Variants in PCDHGB3 observed in about 807,000 individuals in gnomAD.
The protein encoded by PCDHGB3 is protocadherin gamma-B3.
Under a neutral mutation model 59.2 loss-of-function variants are expected in PCDHGB3, and 40 were observed. The ratio of observed to expected loss-of-function variants is 0.68; its 90% CI spans 0.52 to 0.88. PCDHGB3 has a LOEUF of 0.88. Ranked by LOEUF, PCDHGB3 falls within the 40% of genes least tolerant of loss-of-function variation. The pLI, the probability that PCDHGB3 is intolerant of heterozygous loss-of-function variation, is 0.00. For synonymous variants in PCDHGB3, 581 were observed against 503.6 expected (o/e 1.15, Z -2.06); for missense variants, 1,309 against 1,187.9 (o/e 1.10, Z -1.50).
chr5:141,421,358 C>T (rs2096566137), intron 1 of PCDHGB3: 1 of 1,613,870 alleles, frequency 6.2e-7, no homozygotes, highest in Non-Finnish European at 8.5e-7. Context: ...GAAAAGGGCT[C>T]CTTCGTGGGC....
rs766168062 is a variant in PCDHGB3, at chr5:141,491,124, G to A, written c.2416-3683G>A. ...TCGTGTCTACACACACTGGTGAGGT[G>A]CGCACAGCCCGGGCCTTACTGGAGG... On this transcript the variant is annotated intron_variant, in intron 1 of 3. Transcript: ENST00000576222. The surrounding 1 kb of genome is among the most constrained non-coding windows in gnomAD (Gnocchi z 6.9). 22 of 1,614,092 alleles carry A rather than the reference G, an allele frequency of 1.4e-5. No individual in the cohort carries two copies. The highest frequency in any genetic ancestry group is 3.3e-5 in the Admixed American group (2 of 60,004).
intron 1 of PCDHGB3, chr5:141,399,540 C>T (rs775910113): frequency 9.3e-6 from 15 of 1,614,052 alleles, no homozygotes; most frequent in Non-Finnish European, 1.3e-5. Context: ...CGCAAGTCTG[C>T]GCCTCGGACC....
At position 141,486,634 on chromosome 5, in the gene PCDHGB3, T is replaced by C; in HGVS notation, c.2416-8173T>C. 1 of 1,613,762 alleles carries C rather than the reference T, an allele frequency of 6.2e-7. No individual in the cohort carries two copies. The highest frequency in any genetic ancestry group is 8.5e-7 in the Non-Finnish European group (1 of 1,180,044). ...CCTCTGACCCAGACTCTGGCTTGAA[T>C]GCGCTTATCTCCTACTCACTCCTGG... On this transcript the variant is annotated intron_variant, in intron 1 of 3. Coordinates refer to ENST00000576222, the MANE Select transcript of PCDHGB3 (RefSeq NM_018924.5). The surrounding 1 kb of genome is among the most constrained non-coding windows in gnomAD (Gnocchi z 5.0).
In PCDHGB3 at chr5:141,372,217, T is replaced by A. The variant is rs1267940459; in HGVS notation, c.1823T>A (p.Ile608Asn). ...TACAACGCCTGGCTGTCCTACCACATTGTGCAGGCCAGCGAGCCCGGGCTG... is the reference window on the plus strand; with the variant it reads ...TACAACGCCTGGCTGTCCTACCACAATGTGCAGGCCAGCGAGCCCGGGCTG... ...SGYNAWLSYH[I>N]VQASEPGLFS... Residue 608 changes from isoleucine to asparagine, a missense_variant, in exon 1 of 4, where the codon ATT (isoleucine) becomes AAT (asparagine). Coordinates refer to ENST00000576222, the MANE Select transcript of PCDHGB3 (RefSeq NM_018924.5). 1 of 1,613,564 alleles carries A rather than the reference T, an allele frequency of 6.2e-7. No individual in the cohort carries two copies. Among genetic ancestry groups the A allele is most frequent in the Admixed American group, 1.7e-5 (1 of 60,030 alleles).
intron 1 of PCDHGB3, chr5:141,419,345 C>T (rs111954647): frequency 6.2e-6 from 10 of 1,613,858 alleles, no homozygotes; most frequent in African/African-American, 2.7e-5. Flanking sequence ...TGCCAGCGAC[C>T]TGGAGTCACG....
intron 1 of PCDHGB3, among the ~76,000 whole-genome samples, chr5:141,396,827 T>G (rs1339802094): frequency 6.6e-6 from 1 of 152,218 alleles, no homozygotes; most frequent in East Asian, 1.9e-4. Flanking sequence ...TGGTGCATAT[T>G]CAGTGGAGTG....
Position 141,487,660 on chromosome 5 carries a change from T to C in PCDHGB3, c.2416-7147T>C. Reference sequence around the variant, plus strand: ...AACAAATGCTTGAGGGTTATTCTGATCCAGGCATATGGCTAGGCCATGTCC... The same window carrying C: ...AACAAATGCTTGAGGGTTATTCTGACCCAGGCATATGGCTAGGCCATGTCC... On this transcript the variant is annotated intron_variant, in intron 1 of 3. Coordinates refer to ENST00000576222, the MANE Select transcript of PCDHGB3 (RefSeq NM_018924.5). The surrounding 1 kb of genome is among the most constrained non-coding windows in gnomAD (Gnocchi z 5.0). The C allele has an allele frequency of 6.2e-7, 1 of 1,613,442 alleles. No homozygotes were observed. The highest frequency in any genetic ancestry group is 8.5e-7 in the Non-Finnish European group (1 of 1,179,710).
chr5:141,389,081 G>C (rs371979686), intron 1 of PCDHGB3: 2 of 1,613,978 alleles, frequency 1.2e-6, no homozygotes, highest in Admixed American at 1.7e-5. Flanking sequence ...CAAGAAACAC[G>C]TATAAATTAG....
At chr5:141,390,596 C>T (rs2092187528) in intron 1 of PCDHGB3, 1 of 329,834 alleles carries the variant, frequency 3.0e-6, no homozygotes. Context: ...GAGATTTTTC[C>T]TATACATTTT....
At chr5:141,448,086 TA>T (rs558292628) in intron 1 of PCDHGB3, among the ~76,000 whole-genome samples, 67 of 146,274 alleles carry the variant, frequency 4.6e-4, no homozygotes, top group African/African-American at 8.0e-4. Context: ...AATGCCATCT[TA>T]AAAAAAAAAA....
rs755163825 is a variant in PCDHGB3, at chr5:141,491,048, C to A, written c.2416-3759C>A. 6.2e-6 allele frequency: 10 copies of A among 1,613,948 alleles called. No individual in the cohort carries two copies. Among genetic ancestry groups the A allele is most frequent in the Non-Finnish European group, 7.6e-6 (9 of 1,179,960 alleles). ...GTGGATGCTGATGCAGGCCACAATG[C>A]GTGGCTCTCCTACTCACTGTTGCCA... On this transcript the variant is annotated intron_variant, in intron 1 of 3. Coordinates refer to ENST00000576222, the MANE Select transcript of PCDHGB3 (RefSeq NM_018924.5). The surrounding 1 kb of genome is among the most constrained non-coding windows in gnomAD (Gnocchi z 6.9).
In PCDHGB3 at chr5:141,477,524, A is replaced by G. The variant is rs1302186932; in HGVS notation, c.2416-17283A>G. The stretch of plus-strand genomic sequence containing the variant: ...CTACGACGTTTACATTGAAGAAAAC[A>G]ACCTCCCCGGGGCTCCAATACTAAA... On this transcript the variant is annotated intron_variant, in intron 1 of 3. Coordinates refer to ENST00000576222, the MANE Select transcript of PCDHGB3 (RefSeq NM_018924.5). The surrounding 1 kb of genome is among the most constrained non-coding windows in gnomAD (Gnocchi z 4.9). The G allele has an allele frequency of 1.2e-6, 2 of 1,614,122 alleles. No individual in the cohort carries two copies. Among genetic ancestry groups the G allele is most frequent in the Non-Finnish European group, 1.7e-6 (2 of 1,180,022 alleles).
rs1218261413 is a variant in PCDHGB3 at position 141,370,605 on chromosome 5, G to A, written c.211G>A (p.Glu71Lys). 2.5e-6 allele frequency: 4 copies of A among 1,613,858 alleles called. No individual in the cohort carries two copies. The African/African-American group carries it at 4.0e-5, about 16-fold the overall frequency. The change falls in exon 1 of 4, where the codon GAG becomes AAG. Residue 71 changes from glutamate (E) to lysine (K), a missense_variant. By Grantham distance (56) the Glu-to-Lys change is moderately conservative. Coordinates refer to ENST00000576222, the MANE Select transcript of PCDHGB3 (RefSeq NM_018924.5). The part of the protein sequence containing the change: ...LPTRNLRVIA[E>K]KKFFTVSPEN... ...TACTAGGAACCTGCGGGTTATTGCA[G>A]AGAAGAAATTCTTTACCGTGAGCCC...
At chr5:141,429,925 A>G (rs1009987955) in intron 1 of PCDHGB3, among the ~76,000 whole-genome samples, 5 of 152,244 alleles carry the variant, frequency 3.3e-5, no homozygotes, top group African/African-American at 1.2e-4. Flanking sequence ...TATTAATAGA[A>G]TTCTGGAGTA....
Position 141,370,684 on chromosome 5 carries a change from G to A in PCDHGB3, c.290G>A (p.Gly97Asp). 6.2e-7 allele frequency: 1 copy of A among 1,613,842 alleles called. No individual in the cohort carries two copies. The highest frequency in any genetic ancestry group is 8.5e-7 in the Non-Finnish European group (1 of 1,179,896). ...SDRIDREEIC[G>D]KKSTCVLEFE... ...CGTATAGACCGAGAGGAGATTTGTG[G>A]CAAGAAGTCGACGTGTGTTCTGGAA... Residue 97 changes from glycine to aspartate, a missense_variant, in exon 1 of 4, where the codon GGC (glycine) becomes GAC (aspartate). Gly to Asp is a moderately conservative substitution (Grantham distance 94, BLOSUM62 -1). Coordinates refer to ENST00000576222, the MANE Select transcript of PCDHGB3 (RefSeq NM_018924.5).
Position 141,491,706 on chromosome 5 carries a change from G to T in PCDHGB3, c.2416-3101G>T. 6.2e-7 allele frequency: 1 copy of T among 1,611,088 alleles called. No individual in the cohort carries two copies. Among genetic ancestry groups the T allele is most frequent in the Non-Finnish European group, 8.5e-7 (1 of 1,178,772 alleles). On this transcript the variant is annotated intron_variant, in intron 1 of 3. Coordinates refer to ENST00000576222, the MANE Select transcript of PCDHGB3 (RefSeq NM_018924.5). The surrounding 1 kb of genome is among the most constrained non-coding windows in gnomAD (Gnocchi z 6.9). Reference sequence around the variant, plus strand: ...CGCTGCGGGAGCGGAGCCAGGTGAGGGGCTCGGCGCCGCCCCGGGCGACCC... The same window carrying T: ...CGCTGCGGGAGCGGAGCCAGGTGAGTGGCTCGGCGCCGCCCCGGGCGACCC...
At chr5:141,403,495 C>T (rs2094413954) in intron 1 of PCDHGB3, 2 of 1,614,014 alleles carry the variant, frequency 1.2e-6, no homozygotes, top group Non-Finnish European at 1.7e-6. Flanking sequence ...TCTCCCTGAA[C>T]GTGCAGACTG....
In PCDHGB3 at chr5:141,419,882, T is replaced by A. The variant is rs145814583; in HGVS notation, c.2415+47073T>A. ...TAGCTTGCAAGAGGTACTGCCGGAT[T>A]TCAGCGACCATCCCACACCCTCTGA... On this transcript the variant is annotated intron_variant, in intron 1 of 3. Transcript: ENST00000576222. The A allele has an allele frequency of 4.9e-3, 7,980 of 1,614,092 alleles. 44 individuals carry two copies. Among genetic ancestry groups the A allele is most frequent in the Admixed American group, 9.4e-3 (567 of 60,032 alleles).
intron 1 of PCDHGB3, chr5:141,427,798 T>C: frequency 6.6e-7 from 1 of 1,506,550 alleles, no homozygotes; most frequent in South Asian, 1.1e-5. Flanking sequence ...TACGTGTCCG[T>C]GAGCGCACAG....
Sources: gnomAD v4.1 joint callset for allele counts (sites outside exome capture counted in the v4.1 genomes callset) on GRCh38, gnomAD v4.1.1 for gene constraint, Gnocchi (gnomAD v3.1) non-coding constraint, MANE v1.5 for transcripts, NCBI Gene and HGNC (gene_info 2026-07-23, HGNC 2026-07-21) for gene names.